The following PARD3B variants were observed in gnomAD, a reference collection of about 807,000 sequenced individuals.
The protein encoded by PARD3B is par-3 family cell polarity regulator beta, also known as partitioning defective 3 homolog B.
PARD3B carries 103 observed loss-of-function variants against 130.2 expected under a neutral mutation model. That is an observed-to-expected ratio of 0.79 (90% CI 0.67 to 0.93). PARD3B has a LOEUF of 0.93. Among genes scored for constraint, PARD3B ranks in the 40% least tolerant of loss-of-function variants. The pLI, the probability that PARD3B is intolerant of heterozygous loss-of-function variation, is 0.00. For missense variants in PARD3B, 1,609 were observed against 1,499.2 expected (o/e 1.07, Z -1.21); for synonymous variants, 583 against 553.2 (o/e 1.05, Z -0.76).
At chr2:204,579,181 C>T (rs944151634) in intron 1 of PARD3B, among the ~76,000 whole-genome samples, 10 of 151,904 alleles carry the variant, frequency 6.6e-5, no homozygotes, top group Admixed American at 6.6e-4. Context: ...ATCATGGCCG[C>T]CATTTTGTGA....
intron 1 of PARD3B, among the ~76,000 whole-genome samples, chr2:204,552,445 T>C (rs1279490557): frequency 6.6e-6 from 1 of 152,130 alleles, no homozygotes; most frequent in African/African-American, 2.4e-5. Context: ...TCTGGGCCAT[T>C]TTTAGTGAGA....
intron 4 of PARD3B, among the ~76,000 whole-genome samples, chr2:205,063,065 C>T (rs1474051675): frequency 6.6e-6 from 1 of 151,878 alleles, no homozygotes; most frequent in Non-Finnish European, 1.5e-5. Context: ...TCAGTGTTTT[C>T]TTAGCAATTT....
chr2:205,164,820 T>TACACACACAC (rs1306291172), intron 11 of PARD3B, among the ~76,000 whole-genome samples: 3 of 84,364 alleles, frequency 3.6e-5, no homozygotes, highest in African/African-American at 1.2e-4. Context: ...CATATATATG[T>TACACACACAC]ATACACACAC....
chr2:204,671,484 A>G (rs1047711661), intron 1 of PARD3B, among the ~76,000 whole-genome samples: 1 of 152,114 alleles, frequency 6.6e-6, no homozygotes, highest in Non-Finnish European at 1.5e-5. Context: ...GTCGAAGTAG[A>G]TAGGCTTGTG....
intron 19 of PARD3B, among the ~76,000 whole-genome samples, chr2:205,409,281 G>T (rs567548512): frequency 8.1e-4 from 124 of 152,200 alleles, no homozygotes; most frequent in African/African-American, 2.7e-3. Context: ...TAAAAATATA[G>T]AGAGAGAAAG....
intron 19 of PARD3B, among the ~76,000 whole-genome samples, chr2:205,416,978 G>T (rs927055979): frequency 6.6e-6 from 1 of 151,732 alleles, no homozygotes; most frequent in African/African-American, 2.4e-5. Flanking sequence ...TGTGCACAAC[G>T]TGCAGGTTTG....
intron 15 of PARD3B, among the ~76,000 whole-genome samples, chr2:205,227,208 T>C (rs2125885894): frequency 1.3e-5 from 2 of 152,260 alleles, no homozygotes; most frequent in Middle Eastern, 6.8e-3. Context: ...TGGTCTATAA[T>C]AGTGAGATTA....
chr2:205,186,707 C>T lies in PARD3B; in HGVS notation c.2024+844C>T, dbSNP rs141574935. On this transcript the variant is annotated intron_variant, in intron 14 of 22. Coordinates refer to ENST00000406610, the MANE Select transcript of PARD3B (RefSeq NM_001302769.2). ...GAAGCTCACCTATATTTAGCTATCT[C>T]TGATTCTTATACTTTTGAAGTCAGT... Among the ~76,000 whole-genome samples the T allele has an allele frequency of 2.1e-3, 320 of 152,238 alleles. 4 individuals are homozygous for T. The highest frequency in any genetic ancestry group is 7.2e-3 in the African/African-American group (298 of 41,532).
At chr2:205,492,666 T>C (rs1389482865) in intron 20 of PARD3B, among the ~76,000 whole-genome samples, 1 of 152,104 alleles carries the variant, frequency 6.6e-6, no homozygotes, top group Non-Finnish European at 1.5e-5. Flanking sequence ...AAAATAGAGA[T>C]GCTTTATAAG....
At chr2:205,239,450 C>T (rs1436328778) in intron 15 of PARD3B, among the ~76,000 whole-genome samples, 1 of 151,936 alleles carries the variant, frequency 6.6e-6, no homozygotes, top group Non-Finnish European at 1.5e-5. Flanking sequence ...CTCATTAGAC[C>T]ATGGGGTTGA....
chr2:204,995,619 C>T (rs1387160364), intron 3 of PARD3B, among the ~76,000 whole-genome samples: 1 of 68,610 alleles, frequency 1.5e-5, no homozygotes, highest in Non-Finnish European at 2.7e-5. Flanking sequence ...TGAATCTGAA[C>T]GTTGGCCTGC....
chr2:204,705,856 T>C (rs1386393470), intron 2 of PARD3B, among the ~76,000 whole-genome samples: 1 of 152,132 alleles, frequency 6.6e-6, no homozygotes, highest in Non-Finnish European at 1.5e-5. Context: ...AGGTGATTGT[T>C]GATGAATTGT....
intron 4 of PARD3B, among the ~76,000 whole-genome samples, chr2:205,094,375 A>G (rs934290414): frequency 1.3e-5 from 2 of 152,154 alleles, no homozygotes; most frequent in African/African-American, 2.4e-5. Context: ...CTTATAGACG[A>G]TAGGCAATAA....
In PARD3B at chr2:204,743,347, A is replaced by G. The variant is rs559290990; in HGVS notation, c.222+57065A>G. Among the ~76,000 whole-genome samples, 104 of 152,250 alleles carry G rather than the reference A, an allele frequency of 6.8e-4. 1 individual carries two copies. The Middle Eastern group carries it at 0.014, about 20-fold the overall frequency. On this transcript the variant is annotated intron_variant, in intron 2 of 22. Transcript: ENST00000406610. ...TCCTTAATTGCATATAGATTTTTAA[A>G]GTTGATCTTTATTTTATGGTTCTTT...
chr2:204,655,712 A>G (rs1259622564), intron 1 of PARD3B, among the ~76,000 whole-genome samples: 1 of 152,100 alleles, frequency 6.6e-6, no homozygotes, highest in Non-Finnish European at 1.5e-5. Flanking sequence ...ATGTGTTTAA[A>G]TCTGTTGTGG....
intron 4 of PARD3B, among the ~76,000 whole-genome samples, chr2:205,059,746 C>T (rs1054266570): frequency 2.6e-5 from 4 of 152,004 alleles, no homozygotes; most frequent in Non-Finnish European, 2.9e-5. Context: ...TTTCTAATCA[C>T]GATTGCTCAT....
chr2:205,009,369 G>T (rs1312219081), intron 3 of PARD3B, among the ~76,000 whole-genome samples: 1 of 152,086 alleles, frequency 6.6e-6, no homozygotes, highest in African/African-American at 2.4e-5. Flanking sequence ...TTTAAAAATA[G>T]AATTTTATAG....
intron 18 of PARD3B, among the ~76,000 whole-genome samples, chr2:205,337,258 A>G (rs758005145): frequency 3.2e-4 from 48 of 152,220 alleles, no homozygotes; most frequent in South Asian, 6.2e-4. Flanking sequence ...ATTTAAGCTA[A>G]TAAGTAATAA....
chr2:205,559,205 G>C (rs182337827), intron 22 of PARD3B, among the ~76,000 whole-genome samples: 2 of 152,288 alleles, frequency 1.3e-5, no homozygotes, highest in South Asian at 2.1e-4. Flanking sequence ...GAGTACAGTG[G>C]TACAATCTCA....
Sources: allele counts gnomAD v4.1 joint callset (sites outside exome capture counted in the v4.1 genomes callset), GRCh38; gene constraint gnomAD v4.1.1; transcripts MANE v1.5; gene names NCBI Gene and HGNC (gene_info 2026-07-23, HGNC 2026-07-21).